Variants in PLCH1 observed in about 807,000 individuals in gnomAD.
PLCH1 encodes the protein 1-phosphatidylinositol 4,5-bisphosphate phosphodiesterase eta-1.
PLCH1 carries 60 observed loss-of-function variants against 126.7 expected under a neutral mutation model. That is an observed-to-expected ratio of 0.47 (90% confidence interval 0.38 to 0.59). The LOEUF (loss-of-function observed/expected upper bound fraction) is 0.59. Ranked by LOEUF, PLCH1 falls within the 20% of genes least tolerant of loss-of-function variation. PLCH1 has a pLI of 0.00. For missense variants in PLCH1, 1,723 were observed against 2,040.0 expected, an observed-to-expected ratio of 0.84 and a Z score of 2.99; for synonymous variants, 719 against 734.9, an observed-to-expected ratio of 0.98 and a Z score of 0.35.
At chr3:155,556,994 A>C (rs948061417) in intron 8 of PLCH1, among the ~76,000 whole-genome samples, 1 of 152,228 alleles carries the variant, frequency 6.6e-6, no homozygotes, top group African/African-American at 2.4e-5. Flanking sequence ...AAATAGAAAA[A>C]ATAAAAGAAG....
intron 21 of PLCH1, among the ~76,000 whole-genome samples, chr3:155,474,460 C>A (rs1197998944): frequency 1.4e-5 from 2 of 142,358 alleles, no homozygotes; most frequent in East Asian, 2.3e-4. Flanking sequence ...GAAATAGGAA[C>A]ACTTTTACAC....
chr3:155,594,072 G>A lies in PLCH1; in HGVS notation c.339C>T (p.Asn113=). Residue 113 remains asparagine, a synonymous_variant, in exon 4 of 23, where the codon AAC becomes AAT. Transcript: ENST00000460012. ...PSCCFTIYHG[N]HMESLDLITS... ...TGATGAGGTCCAGGGACTCCATGTGGTTGCCATGGTAGATGGTGAAGCAGC... is the reference window on the plus strand; with the variant it reads ...TGATGAGGTCCAGGGACTCCATGTGATTGCCATGGTAGATGGTGAAGCAGC... 1.2e-6 allele frequency: 2 copies of A among 1,614,038 alleles called. No homozygotes were observed. The highest frequency in any genetic ancestry group is 1.7e-6 in the Non-Finnish European group (2 of 1,180,016).
At chr3:155,727,011 C>A (rs576205524) in intron 1 of PLCH1, among the ~76,000 whole-genome samples, 5 of 151,616 alleles carry the variant, frequency 3.3e-5, no homozygotes, top group South Asian at 2.1e-4. Context: ...TGAGCCACTG[C>A]GCCCGGCTCA....
chr3:155,637,330 C>T (rs1738855305), intron 2 of PLCH1, among the ~76,000 whole-genome samples: 1 of 152,186 alleles, frequency 6.6e-6, no homozygotes, highest in Admixed American at 6.5e-5. Context: ...CTTTGGCCAG[C>T]CCCTGGGCAC....
intron 2 of PLCH1, among the ~76,000 whole-genome samples, chr3:155,617,893 A>T (rs1193091270): frequency 1.3e-5 from 2 of 152,172 alleles, no homozygotes; most frequent in Admixed American, 1.3e-4. Flanking sequence ...GCCCCAAGTT[A>T]ACTTTGGACC....
Position 155,624,026 on chromosome 3 carries a change from A to G in PLCH1, c.80-27648T>C, listed in dbSNP as rs565579851. Among the ~76,000 whole-genome samples the G allele has an allele frequency of 2.6e-3, 399 of 152,294 alleles. 10 individuals are homozygous for G. In the South Asian group the frequency reaches 0.062, roughly 24 times the overall value. On this transcript the variant is annotated intron_variant, in intron 2 of 22. Coordinates refer to ENST00000460012, the MANE Select transcript of PLCH1 (RefSeq NM_014996.4). ...ATAAAATACTGGCAAACCGAATCCAACAGCACATCAAAAAGCTTATCCACT... is the reference window on the plus strand; with the variant it reads ...ATAAAATACTGGCAAACCGAATCCAGCAGCACATCAAAAAGCTTATCCACT...
rs542874420 is a variant in PLCH1, at chr3:155,641,825, C to CA, written c.80-45448dup. The stretch of plus-strand genomic sequence containing the variant: ...CAATTGAAAACTTATACTAAAACCT[C>CA]AAAAAAAACCCAAAGGCTTTCCTGG... On this transcript the variant is annotated intron_variant, in intron 2 of 22. Coordinates refer to ENST00000460012, the MANE Select transcript of PLCH1 (RefSeq NM_014996.4). Among the ~76,000 whole-genome samples the CA allele has an allele frequency of 1.4e-4, 21 of 151,522 alleles. No individual in the cohort carries two copies. The South Asian group carries it at 3.3e-3, about 24-fold the overall frequency.
intron 2 of PLCH1, among the ~76,000 whole-genome samples, chr3:155,690,053 A>T (rs1280669737): frequency 6.6e-6 from 1 of 152,000 alleles, no homozygotes; most frequent in Non-Finnish European, 1.5e-5. Context: ...GAATAAAAAA[A>T]AAAAAAAGAA....
intron 10 of PLCH1, among the ~76,000 whole-genome samples, chr3:155,548,747 A>T (rs114300025): frequency 6.6e-6 from 1 of 152,182 alleles, no homozygotes; most frequent in Non-Finnish European, 1.5e-5. Flanking sequence ...CATTATGTGG[A>T]GCTTTTATTC....
At chr3:155,715,586 T>G (rs1339554520) in intron 1 of PLCH1, among the ~76,000 whole-genome samples, 2 of 151,008 alleles carry the variant, frequency 1.3e-5, no homozygotes, top group Non-Finnish European at 2.9e-5. Flanking sequence ...TTTATAGGAA[T>G]GAGCCACCAC....
chr3:155,605,630 T>A (rs943991686), intron 2 of PLCH1, among the ~76,000 whole-genome samples: 1 of 152,214 alleles, frequency 6.6e-6, no homozygotes, highest in Admixed American at 6.5e-5. Flanking sequence ...CTAGGCTCCT[T>A]CTGGGAAAAA....
intron 2 of PLCH1, among the ~76,000 whole-genome samples, chr3:155,645,379 C>G (rs1739899391): frequency 6.6e-6 from 1 of 152,092 alleles, no homozygotes; most frequent in African/African-American, 2.4e-5. Context: ...CTGGCATAGC[C>G]TCACCTTTTT....
At chr3:155,737,328 AT>A (rs11334537) in intron 1 of PLCH1, among the ~76,000 whole-genome samples, 16,995 of 148,576 alleles carry the variant, frequency 0.11, 1,153 homozygotes, top group African/African-American at 0.19. Context: ...CCTTCTGAAG[AT>A]TTTTTTCTTT....
At chr3:155,517,087 G>A (rs748808670) in intron 11 of PLCH1, among the ~76,000 whole-genome samples, 5 of 152,082 alleles carry the variant, frequency 3.3e-5, no homozygotes, top group African/African-American at 7.2e-5. Flanking sequence ...TGGGAGGATC[G>A]CTTGAGTCCA....
chr3:155,731,345 AT>A (rs1553765666), intron 1 of PLCH1, among the ~76,000 whole-genome samples: 1 of 152,166 alleles, frequency 6.6e-6, no homozygotes, highest in Non-Finnish European at 1.5e-5. Flanking sequence ...CTCAAGTCCA[AT>A]TCCCACAAAC....
chr3:155,523,900 ATGGAGCTTGAAT>A lies in PLCH1; in HGVS notation c.1455_1466del (p.Lys485_His489delinsAsn), dbSNP rs760355288. 1 of 1,559,070 alleles carries A rather than the reference ATGGAGCTTGAAT, an allele frequency of 6.4e-7. No homozygotes were observed. Among genetic ancestry groups the A allele is most frequent in the Non-Finnish European group, 8.8e-7 (1 of 1,138,166 alleles). ...TATGGTCATGCCTGCAACTTACATAATGGAGCTTGAATTTGCACTCGTCTTCAATTTCATCTG... is the reference window on the plus strand; with the variant it reads ...TATGGTCATGCCTGCAACTTACATAATTGCACTCGTCTTCAATTTCATCTG... On this transcript the variant is annotated inframe_deletion, in exon 11 of 23. Coordinates refer to ENST00000460012, the MANE Select transcript of PLCH1 (RefSeq NM_014996.4).
At chr3:155,502,790 G>A (rs949516587) in intron 13 of PLCH1, among the ~76,000 whole-genome samples, 9 of 152,076 alleles carry the variant, frequency 5.9e-5, no homozygotes, top group African/African-American at 2.2e-4. Context: ...CTGCATCATT[G>A]TCCATTATGT....
At chr3:155,612,917 A>AAAAAAAAG (rs1302185429) in intron 2 of PLCH1, among the ~76,000 whole-genome samples, 1 of 151,350 alleles carries the variant, frequency 6.6e-6, no homozygotes, top group East Asian at 1.9e-4. Context: ...TTAAAAAAAA[A>AAAAAAAAG]AAAAAAAAGA....
chr3:155,741,471 A>G (rs1749614390), intron 1 of PLCH1, among the ~76,000 whole-genome samples: 1 of 152,184 alleles, frequency 6.6e-6, no homozygotes, highest in South Asian at 2.1e-4. Flanking sequence ...TGAAGGAAAG[A>G]TGAGAGTTTC....
Sources: gnomAD v4.1 joint callset for allele counts (sites outside exome capture counted in the v4.1 genomes callset) on GRCh38, gnomAD v4.1.1 for gene constraint, MANE v1.5 for transcripts, NCBI Gene and HGNC (gene_info 2026-07-23, HGNC 2026-07-21) for gene names.